The following KCNG3 variants were observed in gnomAD, a reference collection of about 807,000 sequenced individuals.
The protein encoded by KCNG3 is voltage-gated potassium channel regulatory subunit KCNG3.
In KCNG3, 15 loss-of-function variants were observed where a neutral mutation model predicts 29.0. The observed-to-expected ratio is 0.52, with a 90% confidence interval of 0.35 to 0.80. The LOEUF is 0.80. KCNG3 is among the 30% of genes least tolerant of loss of function. KCNG3 has a pLI of 0.01. For synonymous variants in KCNG3, 322 were observed against 248.9 expected, an observed-to-expected ratio of 1.29 and a Z score of -2.76; for missense variants, 512 against 605.7, an observed-to-expected ratio of 0.85 and a Z score of 1.62.
At chr2:42,415,003 G>T in the KCNG3 span, among the ~76,000 whole-genome samples, 2 of 152,114 alleles carry the variant, frequency 1.3e-5, no homozygotes, top group Middle Eastern at 3.4e-3. Context: ...TATATTTCTT[G>T]ATATAAATTC....
At position 42,493,027 on chromosome 2, in the gene KCNG3, G is replaced by A; in HGVS notation, c.475C>T (p.Arg159Trp). Reference protein sequence around the residue: ...PSRRWLERMRRTFEEPTSSLA... With the variant: ...PSRRWLERMRWTFEEPTSSLA... Reference sequence around the variant, plus strand: ...GACGACGTGGGCTCCTCGAAGGTCCGCCGCATGCGCTCCAGCCAGCGCCTG... The same window carrying A: ...GACGACGTGGGCTCCTCGAAGGTCCACCGCATGCGCTCCAGCCAGCGCCTG... Residue 159 changes from arginine (R) to tryptophan (W), a missense_variant, in exon 1 of 2, where the codon CGG becomes TGG. Transcript: ENST00000306078. 5.9e-6 allele frequency: 9 copies of A among 1,520,492 alleles called. No individual in the cohort carries two copies. The highest frequency in any genetic ancestry group is 7.9e-6 in the Non-Finnish European group (9 of 1,138,924). The allele number at this position is 1,520,492 out of a possible 1,614,324, so 94.2% of individuals were successfully genotyped here.
At chr2:42,461,686 A>T (rs1041991957) in intron 1 of KCNG3, among the ~76,000 whole-genome samples, 1 of 152,146 alleles carries the variant, frequency 6.6e-6, no homozygotes, top group Non-Finnish European at 1.5e-5. Flanking sequence ...CCCAATGTAC[A>T]TATATTTGCC....
the KCNG3 span, among the ~76,000 whole-genome samples, chr2:42,395,549 G>A: frequency 6.6e-6 from 1 of 152,200 alleles, no homozygotes; most frequent in African/African-American, 2.4e-5. Flanking sequence ...TGATGTCTGT[G>A]TTGGACAATG....
At chr2:42,492,677 G>T (rs1298506394) in intron 1 of KCNG3, among the ~76,000 whole-genome samples, 160 bp downstream of exon 1, 1 of 151,094 alleles carries the variant, frequency 6.6e-6, no homozygotes, top group East Asian at 2.0e-4. Flanking sequence ...GTAGGAGTGG[G>T]GACCGACCGG....
At chr2:42,486,887 G>A (rs989272241) in intron 1 of KCNG3, among the ~76,000 whole-genome samples, 7 of 152,030 alleles carry the variant, frequency 4.6e-5, no homozygotes. Flanking sequence ...GGTCTGGCAC[G>A]GTGGCTCACT....
intron 1 of KCNG3, among the ~76,000 whole-genome samples, chr2:42,448,372 T>C (rs924710819): frequency 6.6e-6 from 1 of 151,576 alleles, no homozygotes; most frequent in African/African-American, 2.4e-5. Context: ...TATTTATTTA[T>C]TTATTTATTT....
chr2:42,489,356 T>A (rs1673815021), intron 1 of KCNG3, among the ~76,000 whole-genome samples: 1 of 152,072 alleles, frequency 6.6e-6, no homozygotes, highest in African/African-American at 2.4e-5. Flanking sequence ...ACCACTGCAC[T>A]CCGGCCTGGG....
chr2:42,483,999 T>A (rs898982133), intron 1 of KCNG3, among the ~76,000 whole-genome samples: 1 of 151,862 alleles, frequency 6.6e-6, no homozygotes, highest in Admixed American at 6.6e-5. Flanking sequence ...CCCAGGCTGG[T>A]CTCGAACTCC....
intron 1 of KCNG3, among the ~76,000 whole-genome samples, chr2:42,474,693 CCT>C (rs1209936323): frequency 4.3e-4 from 65 of 152,070 alleles, no homozygotes; most frequent in African/African-American, 1.5e-3. Flanking sequence ...TTAATTTTGC[CCT>C]GATATATTTT....
At chr2:42,429,355 A>C in the KCNG3 span, among the ~76,000 whole-genome samples, 2 of 152,104 alleles carry the variant, frequency 1.3e-5, no homozygotes, top group African/African-American at 4.8e-5. Context: ...TTCAATTCAA[A>C]CACTCACCCT....
At chr2:42,429,833 AAAG>A in the KCNG3 span, among the ~76,000 whole-genome samples, 4 of 152,184 alleles carry the variant, frequency 2.6e-5, no homozygotes, top group Admixed American at 2.0e-4. Context: ...AGATACGGGA[AAAG>A]AAGAAGAGAA....
chr2:42,398,088 T>G, the KCNG3 span, among the ~76,000 whole-genome samples: 2 of 151,970 alleles, frequency 1.3e-5, no homozygotes, highest in Admixed American at 1.3e-4. Flanking sequence ...CCGGGCATGG[T>G]GGCGGGCGCC....
At chr2:42,405,904 C>A in the KCNG3 span, among the ~76,000 whole-genome samples, 1 of 151,936 alleles carries the variant, frequency 6.6e-6, no homozygotes, top group Non-Finnish European at 1.5e-5. Flanking sequence ...CCGCACCTGG[C>A]CTAATTTTTG....
chr2:42,493,919 G>A lies in KCNG3; in HGVS notation c.-418C>T, dbSNP rs1191556002. ...CGGGGCGGAATAGCTCCCCGTCTCCGGCGCTCCCTGCGGCCGCGAATCCGG... is the reference window on the plus strand; with the variant it reads ...CGGGGCGGAATAGCTCCCCGTCTCCAGCGCTCCCTGCGGCCGCGAATCCGG... On this transcript the variant is annotated 5_prime_UTR_variant, in exon 1 of 2. Transcript: ENST00000306078. 6.3e-6 allele frequency: 1 copy of A among 159,346 alleles called. No homozygotes were observed. The highest frequency in any genetic ancestry group is 2.0e-4 in the South Asian group (1 of 4,910). 9.9% of individuals were successfully genotyped at this position (159,346 alleles called of 1,614,324 possible). A position where few individuals can be genotyped will look rare whatever the true frequency, so the allele number is the denominator to read the frequency against.
intron 1 of KCNG3, among the ~76,000 whole-genome samples, chr2:42,462,941 A>G (rs2103692622): frequency 6.6e-6 from 1 of 152,286 alleles, no homozygotes; most frequent in South Asian, 2.1e-4. Context: ...GTCTACAGCT[A>G]AAAGGACCTT....
chr2:42,455,064 A>G (rs368046379), intron 1 of KCNG3, among the ~76,000 whole-genome samples: 1 of 152,360 alleles, frequency 6.6e-6, no homozygotes, highest in Non-Finnish European at 1.5e-5. Context: ...TTTTACTACA[A>G]TTTTAAAGAG....
intron 1 of KCNG3, among the ~76,000 whole-genome samples, chr2:42,460,845 C>G (rs1672996229): frequency 6.6e-6 from 1 of 152,088 alleles, no homozygotes; most frequent in South Asian, 2.1e-4. Flanking sequence ...GCTACTCTGA[C>G]TATTCCTTTG....
the KCNG3 span, among the ~76,000 whole-genome samples, chr2:42,397,038 A>C: frequency 6.6e-6 from 1 of 152,148 alleles, no homozygotes; most frequent in Admixed American, 6.5e-5. Context: ...GTGGGTCAGC[A>C]TTTTGAGACC....
chr2:42,409,731 T>TAAAAAAAAAAAAAAAAA, the KCNG3 span, among the ~76,000 whole-genome samples: 5 of 77,030 alleles, frequency 6.5e-5, 1 homozygote, highest in African/African-American at 2.1e-4. Context: ...AAAAAAAAAT[T>TAAAAAAAAAAAAAAAAA]TTTTTTTAAA....
Sources: gnomAD v4.1 joint callset for allele counts (sites outside exome capture counted in the v4.1 genomes callset) on GRCh38, gnomAD v4.1.1 for gene constraint, MANE v1.5 for transcripts, NCBI Gene and HGNC (gene_info 2026-07-23, HGNC 2026-07-21) for gene names.